The following ASCC3 variants were observed in gnomAD, a reference collection of about 807,000 sequenced individuals.
ASCC3 encodes the protein ASC-1 complex subunit P200.
In ASCC3, 158 loss-of-function variants were observed where a neutral mutation model predicts 256.3. The observed-to-expected ratio is 0.62, with a 90% CI of 0.54 to 0.70. ASCC3 has a LOEUF of 0.70. Ranked by LOEUF, ASCC3 falls within the 30% of genes least tolerant of loss-of-function variation. ASCC3 has a pLI of 0.00. For missense variants in ASCC3, 2,259 were observed against 2,626.0 expected (o/e 0.86, Z 3.05); for synonymous variants, 948 against 883.4 (o/e 1.07, Z -1.30).
At chr6:100,771,866 GTTTTTTTTTTTTTTTTTT>G (rs57465763) in intron 8 of ASCC3, among the ~76,000 whole-genome samples, 1 of 91,820 alleles carries the variant, frequency 1.1e-5, no homozygotes, top group Admixed American at 1.2e-4. Flanking sequence ...CAATCTGCAA[GTTTTTTTTTTTTTTTTTT>G]TTTTTTTTTT....
intron 8 of ASCC3, among the ~76,000 whole-genome samples, chr6:100,796,455 A>G (rs1769619240): frequency 6.6e-6 from 1 of 152,204 alleles, no homozygotes; most frequent in African/African-American, 2.4e-5. Flanking sequence ...TTGTATGCTG[A>G]AGCCCTTACC....
intron 13 of ASCC3, among the ~76,000 whole-genome samples, chr6:100,695,599 C>G (rs534748133): frequency 2.6e-5 from 4 of 152,262 alleles, no homozygotes; most frequent in African/African-American, 9.6e-5. Context: ...TCTTATCTCC[C>G]AAGGAGTCAA....
chr6:100,599,017 T>A (rs555828269), intron 34 of ASCC3, among the ~76,000 whole-genome samples: 1 of 151,858 alleles, frequency 6.6e-6, no homozygotes, highest in East Asian at 1.9e-4. Context: ...AAAGTTAGAG[T>A]AGAGAAAGAT....
intron 10 of ASCC3, among the ~76,000 whole-genome samples, chr6:100,739,717 T>G (rs558150781): frequency 6.6e-6 from 1 of 152,372 alleles, no homozygotes; most frequent in Non-Finnish European, 1.5e-5. Context: ...TTCTAGTTTA[T>G]GCGCATAGAG....
intron 37 of ASCC3, among the ~76,000 whole-genome samples, chr6:100,532,780 A>G (rs1321551012): frequency 4.6e-5 from 7 of 152,180 alleles, no homozygotes; most frequent in Non-Finnish European, 1.0e-4. Context: ...AAACATATTA[A>G]TATTCCAATC....
chr6:100,837,384 G>C (rs994517413), intron 4 of ASCC3, among the ~76,000 whole-genome samples: 1 of 151,970 alleles, frequency 6.6e-6, no homozygotes, highest in South Asian at 2.1e-4. Flanking sequence ...CCCACTACTG[G>C]GTATATATCC....
chr6:100,613,527 T>A (rs888464701), intron 30 of ASCC3, among the ~76,000 whole-genome samples: 2 of 152,114 alleles, frequency 1.3e-5, no homozygotes, highest in Non-Finnish European at 2.9e-5. Context: ...ATATATACAT[T>A]TTCTTTATCC....
chr6:100,851,635 T>A (rs530816391), intron 3 of ASCC3, among the ~76,000 whole-genome samples: 74 of 152,318 alleles, frequency 4.9e-4, no homozygotes, highest in Non-Finnish European at 7.8e-4. Context: ...TAAACCTTGC[T>A]GGGTTGTGGT....
intron 13 of ASCC3, among the ~76,000 whole-genome samples, chr6:100,687,341 T>C (rs1777625382): frequency 6.6e-6 from 1 of 152,066 alleles, no homozygotes; most frequent in South Asian, 2.1e-4. Flanking sequence ...TCTTACCCAT[T>C]GAAGCAAATC....
chr6:100,816,408 G>C (rs1379224481), intron 4 of ASCC3, among the ~76,000 whole-genome samples: 1 of 152,028 alleles, frequency 6.6e-6, no homozygotes, highest in Non-Finnish European at 1.5e-5. Flanking sequence ...CTACTACTGG[G>C]TATATACCCA....
chr6:100,873,100 C>T (rs1293859804), intron 1 of ASCC3, among the ~76,000 whole-genome samples: 1 of 150,164 alleles, frequency 6.7e-6, no homozygotes, highest in African/African-American at 2.5e-5. Flanking sequence ...CAAGGAAGCA[C>T]CAGAGAAAGG....
intron 14 of ASCC3, among the ~76,000 whole-genome samples, chr6:100,669,894 TAAAAA>T (rs1174014779): frequency 6.6e-6 from 1 of 151,680 alleles, no homozygotes; most frequent in Non-Finnish European, 1.5e-5. Context: ...TATTTAATAA[TAAAAA>T]TAAAATATAA....
Position 100,761,839 on chromosome 6 carries a change from A to G in ASCC3, c.1737+4726T>C, listed in dbSNP as rs1781435616. ...CTAAACAGTACATTTATGGGACTTA[A>G]GCATATAATTTATAGATATACAGAT... On this transcript the variant is annotated intron_variant, in intron 10 of 41. Transcript: ENST00000369162. Among the ~76,000 whole-genome samples the G allele has an allele frequency of 3.3e-5, 5 of 152,332 alleles. No individual in the cohort carries two copies. The South Asian group carries it at 1.0e-3, about 32-fold the overall frequency.
chr6:100,793,753 TAAAGG>T (rs1769465542), intron 8 of ASCC3, among the ~76,000 whole-genome samples: 1 of 2,240 alleles, frequency 4.5e-4, no homozygotes, highest in Admixed American at 0.012. Context: ...GTAACTTGCC[TAAAGG>T]TTAAGTAACT....
chr6:100,515,208 T>G (rs2114608498), intron 39 of ASCC3, among the ~76,000 whole-genome samples: 1 of 152,344 alleles, frequency 6.6e-6, no homozygotes, highest in East Asian at 1.9e-4. Context: ...TTGTTTTGAT[T>G]TAAATATATT....
intron 1 of ASCC3, among the ~76,000 whole-genome samples, chr6:100,869,796 G>A (rs1370410840): frequency 1.3e-5 from 2 of 152,158 alleles, no homozygotes; most frequent in African/African-American, 2.4e-5. Context: ...AGGAAAGGCT[G>A]AAAGGATAGG....
chr6:100,771,585 TAA>T (rs1262882746), intron 8 of ASCC3, among the ~76,000 whole-genome samples: 1 of 151,904 alleles, frequency 6.6e-6, no homozygotes, highest in Admixed American at 6.6e-5. Flanking sequence ...AATTTAATCT[TAA>T]GAGTATGTAA....
intron 14 of ASCC3, among the ~76,000 whole-genome samples, chr6:100,667,320 A>C (rs1047366377): frequency 6.6e-6 from 1 of 152,178 alleles, no homozygotes; most frequent in African/African-American, 2.4e-5. Context: ...GGAATTATTA[A>C]AGAGCACACA....
intron 10 of ASCC3, among the ~76,000 whole-genome samples, chr6:100,765,807 T>C (rs1033583302): frequency 3.3e-5 from 5 of 152,218 alleles, no homozygotes; most frequent in Non-Finnish European, 7.4e-5. Context: ...ATGGGGGCCC[T>C]AGGAAATTAA....
Sources: allele counts gnomAD v4.1 joint callset (sites outside exome capture counted in the v4.1 genomes callset), GRCh38; gene constraint gnomAD v4.1.1; transcripts MANE v1.5; gene names NCBI Gene and HGNC (gene_info 2026-07-23, HGNC 2026-07-21).